The following NCOR2 variants were observed in gnomAD, a reference collection of about 807,000 sequenced individuals.
NCOR2 encodes the protein nuclear receptor corepressor 2, also known as CTG repeat protein 26.
A neutral mutation model predicts 262.9 loss-of-function variants in NCOR2; 81 were observed. That is an observed-to-expected ratio of 0.31 (90% CI 0.26 to 0.37). The LOEUF (loss-of-function observed/expected upper bound fraction) is 0.37, where lower values mean the gene tolerates loss of function less well. Ranked by LOEUF, NCOR2 falls within the 10% of genes least tolerant of loss-of-function variation. The pLI is 1.00. For synonymous variants in NCOR2, 1,659 were observed against 1,559.3 expected (o/e 1.06, Z -1.51); for missense variants, 3,385 against 3,621.4 (o/e 0.93, Z 1.68).
exon 42 of NCOR2, chr12:124,333,133 G>T: frequency 6.2e-7 from 1 of 1,604,464 alleles, no homozygotes; most frequent in African/African-American, 1.3e-5. Flanking sequence ...GAAGTACCTG[G>T]GCTCCGTCTG....
At position 124,474,867 on chromosome 12, in the gene NCOR2, G is replaced by A. The variant is rs151069794; in HGVS notation, c.412-1736C>T. The stretch of plus-strand genomic sequence containing the variant: ...GCTGGCAGACAAGGCCCAGAGCAGC[G>A]CCAGGCCACCACCTCCCCGCCCCCG... On this transcript the variant is annotated intron_variant, in intron 3 of 46. Coordinates refer to ENST00000405201, the Ensembl canonical transcript of NCOR2. Among the ~76,000 whole-genome samples, 289 of 152,172 alleles carry A rather than the reference G, an allele frequency of 1.9e-3. 2 individuals are homozygous for A. Among genetic ancestry groups the A allele is most frequent in the African/African-American group, 6.5e-3 (270 of 41,502 alleles).
intron 13 of NCOR2, among the ~76,000 whole-genome samples, chr12:124,408,353 C>CA (rs1203729704): frequency 1.4e-5 from 2 of 147,056 alleles, no homozygotes; most frequent in Admixed American, 6.8e-5. Flanking sequence ...GACTCTGTCT[C>CA]AAACAAAAAT....
At chr12:124,419,517 A>G (rs1284062280) in intron 13 of NCOR2, among the ~76,000 whole-genome samples, 2 of 152,204 alleles carry the variant, frequency 1.3e-5, no homozygotes, top group Non-Finnish European at 2.9e-5. Context: ...AGTACTGGCT[A>G]TTTTTTCTTT....
At chr12:124,437,980 T>G (rs1364163584) in exon 8 of NCOR2, 2 of 1,611,794 alleles carry the variant, frequency 1.2e-6, no homozygotes, top group Admixed American at 3.3e-5. Flanking sequence ...ATTAGCTTCT[T>G]CCGCATCGCC....
intron 5 of NCOR2, among the ~76,000 whole-genome samples, chr12:124,458,859 G>A (rs569973092): frequency 1.3e-4 from 20 of 152,244 alleles, no homozygotes; most frequent in South Asian, 1.2e-3. Flanking sequence ...CCACACCCTC[G>A]AAGCAGGAAA....
chr12:124,533,473 A>G lies in NCOR2; in HGVS notation c.-118+2092T>C, dbSNP rs538386965. 3.0e-3 allele frequency among the ~76,000 whole-genome samples: 452 copies of G among 151,170 alleles called. 7 individuals carry two copies. Among genetic ancestry groups the G allele is most frequent in the African/African-American group, 0.01 (429 of 41,162 alleles). ...ACTTTGAAACTGCAACCCCCAGCCC[A>G]CCCACAGGCTCCCCAGACCCCTTCA... is the stretch of plus-strand genomic sequence containing the variant. On this transcript the variant is annotated intron_variant, in intron 1 of 46. Coordinates refer to the NCOR2 transcript ENST00000404621.
At chr12:124,538,731 C>G (rs2051195154), upstream of NCOR2, 1 of 154,010 alleles carries the variant, frequency 6.5e-6, no homozygotes, top group South Asian at 2.1e-4. Flanking sequence ...GGGAGAGGGG[C>G]TGGCATGGAG....
At position 124,343,164 on chromosome 12, in the gene NCOR2, C is replaced by A. The variant is rs200976796; in HGVS notation, c.4777G>T (p.Ala1593Ser). ...GGCACGGTGCTGTGCGGGGACTTGG[C>A]GATCTCACGAGGCGTCGACGTCAGC... is the stretch of plus-strand genomic sequence containing the variant. The change falls in exon 33 of 47, where the codon GCC (alanine) becomes TCC (serine). Residue 1593 changes from alanine to serine, a missense_variant. By Grantham distance (99) the Ala-to-Ser change is moderately conservative (BLOSUM62 1). Transcript: ENST00000405201. 1.0e-4 allele frequency: 167 copies of A among 1,610,312 alleles called. No homozygotes were observed. The African/African-American group carries it at 2.1e-3, about 20-fold the overall frequency.
At chr12:124,494,083 G>A (rs1293486692) in intron 1 of NCOR2, among the ~76,000 whole-genome samples, 1 of 152,186 alleles carries the variant, frequency 6.6e-6, no homozygotes, top group Non-Finnish European at 1.5e-5. Context: ...CCTACAGGAG[G>A]CCACTGTGTC....
At chr12:124,561,050 A>C (rs551634599) in intron 1 of NCOR2, among the ~76,000 whole-genome samples, 2 of 152,360 alleles carry the variant, frequency 1.3e-5, no homozygotes, top group Middle Eastern at 3.4e-3. Flanking sequence ...GTGCAGACAG[A>C]TACCAGCAAG....
intron 1 of NCOR2, among the ~76,000 whole-genome samples, chr12:124,530,763 C>T (rs761499821): frequency 5.6e-4 from 86 of 152,218 alleles, no homozygotes; most frequent in Admixed American, 2.0e-3. Context: ...ATACCACACT[C>T]CTCAGAAAAC....
intron 19 of NCOR2, among the ~76,000 whole-genome samples, chr12:124,373,953 C>T (rs1739960836): frequency 6.6e-6 from 1 of 152,134 alleles, no homozygotes; most frequent in Non-Finnish European, 1.5e-5. Flanking sequence ...ATGGGTTTTA[C>T]ACAGCAGGAG....
chr12:124,530,653 T>C (rs991138211), intron 1 of NCOR2, among the ~76,000 whole-genome samples: 1 of 152,192 alleles, frequency 6.6e-6, no homozygotes, highest in African/African-American at 2.4e-5. Context: ...CCCAGCTTTG[T>C]CCTATGCTAG....
rs529695177 is a variant in NCOR2 at position 124,566,791 on chromosome 12, G to C, written c.-165+517C>G. Among the ~76,000 whole-genome samples, 2 of 152,282 alleles carry C rather than the reference G, an allele frequency of 1.3e-5. No individual in the cohort carries two copies. The highest frequency in any genetic ancestry group is 3.9e-4 in the East Asian group (2 of 5,180). On this transcript the variant is annotated intron_variant, in intron 1 of 32. Transcript: ENST00000458234. This position sits in a 1 kb window ranked among gnomAD's most constrained non-coding sequence, Gnocchi z 4.3. ...CAGCGCCCCGTGGCCCCACGCCTAG[G>C]AGGGACAAGGCTGGCTCTCCCCCTC...
chr12:124,422,995 C>T (rs1015016346), intron 11 of NCOR2, among the ~76,000 whole-genome samples: 1 of 152,206 alleles, frequency 6.6e-6, no homozygotes, highest in Non-Finnish European at 1.5e-5. Flanking sequence ...CATAGCTCAC[C>T]AGGCTGCTGG....
At chr12:124,410,888 A>G (rs1287107908) in intron 13 of NCOR2, among the ~76,000 whole-genome samples, 4 of 151,984 alleles carry the variant, frequency 2.6e-5, no homozygotes, top group Non-Finnish European at 4.4e-5. Context: ...GTCCCTCCGC[A>G]AAGAGCTGGG....
At chr12:124,340,608 A>G in exon 35 of NCOR2, 1 of 1,498,588 alleles carries the variant, frequency 6.7e-7, no homozygotes, top group Non-Finnish European at 8.9e-7. Context: ...CTACCTGGGG[A>G]GAGTGGGGAG....
In NCOR2 at chr12:124,475,391, G is replaced by C. The variant is rs570405533; in HGVS notation, c.412-2260C>G. ...GGATCCCACAACAGCCCTCCGAGGGGACTGCTGCTCCATCTCCATTACGCA... is the reference window on the plus strand; with the variant it reads ...GGATCCCACAACAGCCCTCCGAGGGCACTGCTGCTCCATCTCCATTACGCA... On this transcript the variant is annotated intron_variant, in intron 3 of 46. Coordinates refer to ENST00000405201, the Ensembl canonical transcript of NCOR2. Among the ~76,000 whole-genome samples the C allele has an allele frequency of 2.4e-4, 37 of 152,302 alleles. 1 individual carries two copies. The South Asian group carries it at 7.3e-3, about 30-fold the overall frequency.
At chr12:124,495,351 C>T, upstream of NCOR2, 1 of 1,454,256 alleles carries the variant, frequency 6.9e-7, no homozygotes, top group Non-Finnish European at 9.0e-7. The surrounding 1 kb of genome is among the most constrained non-coding windows in gnomAD (Gnocchi z 4.4). Context: ...AGCTCACGGG[C>T]CACCCCGTCA....
Sources: gnomAD v4.1 joint callset for allele counts (sites outside exome capture counted in the v4.1 genomes callset) on GRCh38, gnomAD v4.1.1 for gene constraint, Gnocchi (gnomAD v3.1) non-coding constraint, MANE v1.5 for transcripts, NCBI Gene and HGNC (gene_info 2026-07-23, HGNC 2026-07-21) for gene names.